FHIT: variants seen among roughly 807,000 people sequenced by gnomAD.
FHIT encodes bis(5'-adenosyl)-triphosphatase.
In FHIT, 19 loss-of-function variants were observed where a neutral mutation model predicts 17.9. The ratio of observed to expected loss-of-function variants is 1.06; its 90% CI spans 0.74 to 1.56. FHIT has a LOEUF of 1.56. FHIT is among the 40% of genes most tolerant of loss of function. The pLI is 0.00. For synonymous variants in FHIT, 81 were observed against 69.7 expected (o/e 1.16, Z -0.81); for missense variants, 248 against 189.2 (o/e 1.31, Z -1.82).
chr3:60,987,746 A>T (rs1312072507), intron 3 of FHIT, among the ~76,000 whole-genome samples: 1 of 152,176 alleles, frequency 6.6e-6, no homozygotes, highest in Non-Finnish European at 1.5e-5. Flanking sequence ...GTAAGTCCCC[A>T]GTTTAGCTTA....
intron 4 of FHIT, among the ~76,000 whole-genome samples, chr3:60,542,000 C>A (rs78951409): frequency 6.6e-6 from 1 of 152,190 alleles, no homozygotes; most frequent in African/African-American, 2.4e-5. Flanking sequence ...CTTCCCACCA[C>A]AGAAATTCAC....
At chr3:59,947,997 G>A (rs1208791786) in intron 7 of FHIT, among the ~76,000 whole-genome samples, 1 of 151,976 alleles carries the variant, frequency 6.6e-6, no homozygotes, top group Non-Finnish European at 1.5e-5. Context: ...TTTTATTGCT[G>A]GGTAATATTC....
chr3:60,067,019 G>T (rs1702544644), intron 5 of FHIT, among the ~76,000 whole-genome samples: 1 of 151,932 alleles, frequency 6.6e-6, no homozygotes, highest in South Asian at 2.1e-4. Flanking sequence ...CTATCACAGA[G>T]GTAGGCAAAT....
At chr3:59,888,168 C>G (rs1703706322) in intron 8 of FHIT, among the ~76,000 whole-genome samples, 1 of 152,180 alleles carries the variant, frequency 6.6e-6, no homozygotes, top group Non-Finnish European at 1.5e-5. Context: ...AACAAGTTGT[C>G]TCTTAACAAA....
At chr3:59,823,725 AC>A (rs1230922982) in intron 8 of FHIT, among the ~76,000 whole-genome samples, 5 of 152,208 alleles carry the variant, frequency 3.3e-5, no homozygotes, top group African/African-American at 4.8e-5. Context: ...TCTATGACAA[AC>A]CCACAGCCAA....
At chr3:60,156,223 T>A (rs888269087) in intron 5 of FHIT, among the ~76,000 whole-genome samples, 2 of 151,414 alleles carry the variant, frequency 1.3e-5, no homozygotes, top group Non-Finnish European at 2.9e-5. Flanking sequence ...GTGGTGATGC[T>A]CCTGTAATCC....
chr3:60,301,027 T>C (rs1427810821), intron 5 of FHIT, among the ~76,000 whole-genome samples: 1 of 151,954 alleles, frequency 6.6e-6, no homozygotes, highest in East Asian at 1.9e-4. Flanking sequence ...CCCGAGTCCA[T>C]TCTAGATTCC....
At chr3:60,713,982 A>C (rs1553705904) in intron 4 of FHIT, among the ~76,000 whole-genome samples, 1 of 151,788 alleles carries the variant, frequency 6.6e-6, no homozygotes, top group African/African-American at 2.4e-5. Context: ...CACAACCAAA[A>C]AAGAGAATTT....
chr3:59,838,631 T>C (rs1701421194), intron 8 of FHIT, among the ~76,000 whole-genome samples: 1 of 152,172 alleles, frequency 6.6e-6, no homozygotes, highest in African/African-American at 2.4e-5. Flanking sequence ...CCTGGGCTCA[T>C]ATGCCAGCTC....
chr3:60,441,320 A>C (rs2107329178), intron 5 of FHIT, among the ~76,000 whole-genome samples: 1 of 152,144 alleles, frequency 6.6e-6, no homozygotes, highest in African/African-American at 2.4e-5. Context: ...TAACTGTACA[A>C]GTTTCTAAAA....
chr3:60,631,944 T>C (rs370924731), intron 4 of FHIT, among the ~76,000 whole-genome samples: 1 of 152,140 alleles, frequency 6.6e-6, no homozygotes, highest in African/African-American at 2.4e-5. Context: ...CTGGGCAGAC[T>C]ACCAGCATCT....
At chr3:60,059,488 G>A (rs111852894) in intron 5 of FHIT, among the ~76,000 whole-genome samples, 4,201 of 152,206 alleles carry the variant, frequency 0.028, 85 homozygotes, top group South Asian at 0.077. Context: ...AAGGTCAAAC[G>A]TTACATGTGA....
chr3:59,808,224 A>C (rs1013919886), intron 8 of FHIT, among the ~76,000 whole-genome samples: 1 of 152,190 alleles, frequency 6.6e-6, no homozygotes, highest in Non-Finnish European at 1.5e-5. Context: ...CTTTTTTAAC[A>C]TAATGAAAAT....
At chr3:60,951,858 G>A (rs1708899271) in intron 3 of FHIT, among the ~76,000 whole-genome samples, 1 of 152,138 alleles carries the variant, frequency 6.6e-6, no homozygotes, top group African/African-American at 2.4e-5. Context: ...GTCTCTTTGA[G>A]TGGGGCAGAA....
intron 5 of FHIT, among the ~76,000 whole-genome samples, chr3:60,044,743 A>C (rs554084821): frequency 6.6e-6 from 1 of 152,266 alleles, no homozygotes; most frequent in African/African-American, 2.4e-5. Context: ...GCTTTCTTCT[A>C]AATGAGGAAT....
At chr3:60,334,897 G>T (rs1366931308) in intron 5 of FHIT, among the ~76,000 whole-genome samples, 1 of 152,172 alleles carries the variant, frequency 6.6e-6, no homozygotes, top group Non-Finnish European at 1.5e-5. Flanking sequence ...CTGCATTCAA[G>T]AAATTGTATG....
Position 61,137,337 on chromosome 3 carries a change from A to G in FHIT, c.-164+63280T>C, listed in dbSNP as rs1387164877. Among the ~76,000 whole-genome samples the G allele has an allele frequency of 1.1e-4, 15 of 139,354 alleles. No homozygotes were observed. The Admixed American group carries it at 1.1e-3, about 10-fold the overall frequency. 91.4% of individuals were successfully genotyped at this position (139,354 alleles called of 152,430 possible). ...ATGCCCTTGTTTCCGTCCCTTCTTC[A>G]TATGGCTAAATCCTACCCATTCTTC... On this transcript the variant is annotated intron_variant, in intron 2 of 9. Coordinates refer to ENST00000492590, the MANE Select transcript of FHIT (RefSeq NM_002012.4).
At chr3:60,766,194 G>C (rs1273331951) in intron 4 of FHIT, among the ~76,000 whole-genome samples, 1 of 151,952 alleles carries the variant, frequency 6.6e-6, no homozygotes, top group African/African-American at 2.4e-5. Context: ...TAATATACTT[G>C]GACACATGAA....
At chr3:60,404,305 T>C (rs1701768114) in intron 5 of FHIT, among the ~76,000 whole-genome samples, 1 of 146,470 alleles carries the variant, frequency 6.8e-6, no homozygotes, top group Non-Finnish European at 1.5e-5. Context: ...AAACAAAAAT[T>C]TCGAGGCTAT....
Sources: allele counts gnomAD v4.1 joint callset (sites outside exome capture counted in the v4.1 genomes callset), GRCh38; gene constraint gnomAD v4.1.1; transcripts MANE v1.5; gene names NCBI Gene and HGNC (gene_info 2026-07-23, HGNC 2026-07-21).